The following ATP2B2 variants were observed in gnomAD, a reference collection of about 807,000 sequenced individuals.
The protein encoded by ATP2B2 is ATPase plasma membrane Ca2+ transporting 2, also known as plasma membrane calcium-transporting ATPase 2.
In ATP2B2, 15 loss-of-function variants were observed where a neutral mutation model predicts 120.0. The ratio of observed to expected loss-of-function variants is 0.12; its 90% CI spans 0.08 to 0.19. The LOEUF is 0.19. ATP2B2 is among the 10% of genes least tolerant of loss of function. The pLI is 1.00. For synonymous variants in ATP2B2, 694 were observed against 700.3 expected (o/e 0.99, Z 0.14); for missense variants, 1,045 against 1,719.8 (o/e 0.61, Z 6.94).
chr3:10,409,045 AT>A (rs2062516134), intron 3 of ATP2B2, among the ~76,000 whole-genome samples: 1 of 152,254 alleles, frequency 6.6e-6, no homozygotes. Flanking sequence ...GTGAGGACTG[AT>A]AATTAAATGG....
intron 8 of ATP2B2, among the ~76,000 whole-genome samples, chr3:10,383,889 T>A (rs1342615025): frequency 6.6e-6 from 1 of 152,198 alleles, no homozygotes. Context: ...GGGGTCTGTA[T>A]GTTCACAAAG....
chr3:10,400,913 A>C, intron 5 of ATP2B2, 40 bp downstream of exon 5: 1 of 1,612,982 alleles, frequency 6.2e-7, no homozygotes, highest in Non-Finnish European at 8.5e-7. Context: ...TCCCCTGTGC[A>C]TGGCGACGGG....
chr3:10,596,974 G>T (rs1428718125), intron 2 of ATP2B2, among the ~76,000 whole-genome samples: 1 of 151,794 alleles, frequency 6.6e-6, no homozygotes. Flanking sequence ...CACACACACA[G>T]GCACACGCAC....
rs563097502 is a variant in ATP2B2, at chr3:10,332,551, G to A, written c.3421-3426C>T. The stretch of plus-strand genomic sequence containing the variant: ...TGCCCTTCTCCCCAGTCTTGGCCAC[G>A]CTGGTAGAAGTTCAAGCTGAGAAAC... On this transcript the variant is annotated intron_variant, in intron 22 of 22. Transcript: ENST00000360273. 1.1e-3 allele frequency among the ~76,000 whole-genome samples: 164 copies of A among 152,308 alleles called. 2 individuals are homozygous for A. The highest frequency in any genetic ancestry group is 3.6e-3 in the African/African-American group (150 of 41,554).
chr3:10,378,215 T>A, intron 10 of ATP2B2, 37 bp downstream of exon 10: 1 of 1,596,080 alleles, frequency 6.3e-7, no homozygotes, highest in Middle Eastern at 2.1e-4. Context: ...GGTCCCCCTG[T>A]GAGCCCTGTC....
intron 1 of ATP2B2, among the ~76,000 whole-genome samples, chr3:10,627,199 G>C (rs1055384786): frequency 1.3e-5 from 2 of 152,206 alleles, no homozygotes; most frequent in Non-Finnish European, 2.9e-5. Context: ...GATTGACTGG[G>C]CTTCTCTAAG....
Position 10,494,118 on chromosome 3 carries a change from C to T in ATP2B2, c.-320+11347G>A, listed in dbSNP as rs145035023. On this transcript the variant is annotated intron_variant, in intron 1 of 22. Coordinates refer to ENST00000360273, the MANE Select transcript of ATP2B2 (RefSeq NM_001001331.4). ...GCACTGAAGACTTTGACCAGAGTGA[C>T]AGGCCTGGTGGACATTCTGAGAAGT... Among the ~76,000 whole-genome samples the T allele has an allele frequency of 7.2e-5, 11 of 152,254 alleles. No individual in the cohort carries two copies. In the East Asian group the frequency reaches 2.1e-3, roughly 29 times the overall value.
chr3:10,373,423 C>T lies in ATP2B2; in HGVS notation c.1417-1372G>A, dbSNP rs530738322. 3.0e-3 allele frequency among the ~76,000 whole-genome samples: 458 copies of T among 152,232 alleles called. 4 individuals are homozygous for T. The highest frequency in any genetic ancestry group is 0.01 in the African/African-American group (430 of 41,558). On this transcript the variant is annotated intron_variant, in intron 11 of 22. Transcript: ENST00000360273. ...TGTTGGGCTCAAGAATCTTTAAGTC[C>T]TTACTATCCAATACGGTAGTCACAT...
chr3:10,367,461 G>A (rs2125486105), intron 12 of ATP2B2, among the ~76,000 whole-genome samples: 1 of 152,208 alleles, frequency 6.6e-6, no homozygotes, highest in Admixed American at 6.5e-5. Context: ...GACAGTGGCT[G>A]GCATAGCAAA....
intron 2 of ATP2B2, among the ~76,000 whole-genome samples, chr3:10,537,894 A>T (rs2067353709): frequency 6.6e-6 from 1 of 152,178 alleles, no homozygotes; most frequent in Non-Finnish European, 1.5e-5. Flanking sequence ...ACATTGATGG[A>T]TACCATCATG....
At chr3:10,398,860 T>C (rs1268288305) in intron 5 of ATP2B2, among the ~76,000 whole-genome samples, 1 of 152,202 alleles carries the variant, frequency 6.6e-6, no homozygotes, top group Non-Finnish European at 1.5e-5. Flanking sequence ...CATCGTCTTA[T>C]TTTTGGCACC....
At chr3:10,609,377 G>A (rs1036063892) in intron 2 of ATP2B2, among the ~76,000 whole-genome samples, 15 of 152,190 alleles carry the variant, frequency 9.9e-5, no homozygotes, top group Non-Finnish European at 1.8e-4. Flanking sequence ...CCATGACTAC[G>A]GCTCTGGCAG....
chr3:10,425,808 T>C (rs2063129524), intron 2 of ATP2B2, among the ~76,000 whole-genome samples: 1 of 152,186 alleles, frequency 6.6e-6, no homozygotes, highest in Admixed American at 6.5e-5. Context: ...AGCAGCCACC[T>C]TGCCTGTCTC....
At chr3:10,594,555 CG>C (rs777643528) in intron 2 of ATP2B2, among the ~76,000 whole-genome samples, 104 of 105,938 alleles carry the variant, frequency 9.8e-4, no homozygotes, top group Non-Finnish European at 1.6e-3. Context: ...CATCACACAC[CG>C]GGGCCTGTTG....
intron 2 of ATP2B2, among the ~76,000 whole-genome samples, chr3:10,567,583 G>A (rs894978439): frequency 6.6e-6 from 1 of 152,186 alleles, no homozygotes; most frequent in Non-Finnish European, 1.5e-5. Context: ...GATGATGACA[G>A]GGGCTGCTTC....
At chr3:10,474,902 CT>C (rs1308705263) in intron 1 of ATP2B2, among the ~76,000 whole-genome samples, 1 of 152,256 alleles carries the variant, frequency 6.6e-6, no homozygotes, top group Non-Finnish European at 1.5e-5. Flanking sequence ...GCGGGCTGAC[CT>C]GTCTCTGTGT....
intron 1 of ATP2B2, among the ~76,000 whole-genome samples, chr3:10,476,473 C>A (rs1011696916): frequency 6.6e-6 from 1 of 152,174 alleles, no homozygotes; most frequent in South Asian, 2.1e-4. Flanking sequence ...ACAACGGGTG[C>A]GTGGGGATGG....
rs1487397642 is a variant in ATP2B2 at position 10,338,838 on chromosome 3, G to A, written c.3238-480C>T. On this transcript the variant is annotated intron_variant, in intron 21 of 22. Transcript: ENST00000360273. Reference sequence around the variant, plus strand: ...TGAGCCTGGCCCGTGGCTGGCCCTCGGTTCTCCTGGGGTTACTTATTCCTC... The same window carrying A: ...TGAGCCTGGCCCGTGGCTGGCCCTCAGTTCTCCTGGGGTTACTTATTCCTC... 2.9e-5 allele frequency: 6 copies of A among 209,156 alleles called. No individual in the cohort carries two copies. The East Asian group carries it at 5.4e-4, about 19-fold the overall frequency. The allele number at this position is 209,156 out of a possible 1,614,324, so 13.0% of individuals were successfully genotyped here.
At chr3:10,544,623 G>A (rs1475546918) in intron 2 of ATP2B2, among the ~76,000 whole-genome samples, 1 of 152,176 alleles carries the variant, frequency 6.6e-6, no homozygotes, top group Non-Finnish European at 1.5e-5. Flanking sequence ...ATGAAGAGGT[G>A]TGTGGATCAG....
Sources: allele counts gnomAD v4.1 joint callset (sites outside exome capture counted in the v4.1 genomes callset), GRCh38; gene constraint gnomAD v4.1.1; transcripts MANE v1.5; gene names NCBI Gene and HGNC (gene_info 2026-07-23, HGNC 2026-07-21).